DNER: variants seen among roughly 807,000 people sequenced by gnomAD.
The protein encoded by DNER is delta and Notch-like epidermal growth factor-related receptor.
Under a neutral mutation model 78.2 loss-of-function variants are expected in DNER, and 33 were observed. The observed-to-expected ratio is 0.42, with a 90% CI of 0.32 to 0.56. The LOEUF (loss-of-function observed/expected upper bound fraction) is 0.56. Among genes scored for constraint, DNER ranks in the 20% least tolerant of loss-of-function variants. The pLI is 0.11. For missense variants in DNER, 918 were observed against 975.3 expected, an observed-to-expected ratio of 0.94 and a Z score of 0.78; for synonymous variants, 417 against 384.8, an observed-to-expected ratio of 1.08 and a Z score of -0.98.
At chr2:229,679,359 T>TG (rs1218654262) in intron 1 of DNER, among the ~76,000 whole-genome samples, 1 of 152,198 alleles carries the variant, frequency 6.6e-6, no homozygotes, top group Non-Finnish European at 1.5e-5. Context: ...GTTATAATAT[T>TG]ACTCTTAACA....
intron 1 of DNER, among the ~76,000 whole-genome samples, chr2:229,676,386 G>T (rs13022561): frequency 0.21 from 32,245 of 152,142 alleles, 3,640 homozygotes; most frequent in East Asian, 0.36. Flanking sequence ...AAAGTCAGTT[G>T]TGAAGATTCA....
At chr2:229,570,842 G>A (rs1426520335) in intron 4 of DNER, among the ~76,000 whole-genome samples, 1 of 152,140 alleles carries the variant, frequency 6.6e-6, no homozygotes, top group Non-Finnish European at 1.5e-5. Context: ...GCACAGGGAT[G>A]CCTGGGAAGT....
chr2:229,649,055 C>T (rs1357190069), intron 1 of DNER, among the ~76,000 whole-genome samples: 1 of 152,204 alleles, frequency 6.6e-6, no homozygotes, highest in Non-Finnish European at 1.5e-5. Context: ...TAACAGGTCA[C>T]TGACCCTTGT....
chr2:229,368,356 C>T (rs1276845582), intron 11 of DNER, among the ~76,000 whole-genome samples: 1 of 152,144 alleles, frequency 6.6e-6, no homozygotes, highest in Non-Finnish European at 1.5e-5. Flanking sequence ...GAGTGAGACC[C>T]TGTCTCAAAA....
At chr2:229,382,736 T>A (rs370291593) in intron 11 of DNER, among the ~76,000 whole-genome samples, 2 of 151,810 alleles carry the variant, frequency 1.3e-5, no homozygotes, top group Non-Finnish European at 2.9e-5. Context: ...TGAAAAGGAA[T>A]GAACAACGCC....
chr2:229,407,141 T>C, intron 10 of DNER, 91 bp downstream of exon 10: 1 of 1,151,788 alleles, frequency 8.7e-7, no homozygotes, highest in South Asian at 1.4e-5. Flanking sequence ...TTTTGCAATA[T>C]TTTATTCATG....
Position 229,569,919 on chromosome 2 carries a change from A to T in DNER, c.847+15939T>A, listed in dbSNP as rs138457514. Reference sequence around the variant, plus strand: ...TCCACAATGTATTCTACGAAATATGATCAGATGCACAAAATCTAAAACAAG... The same window carrying T: ...TCCACAATGTATTCTACGAAATATGTTCAGATGCACAAAATCTAAAACAAG... On this transcript the variant is annotated intron_variant, in intron 4 of 12. Transcript: ENST00000341772. Among the ~76,000 whole-genome samples, 123 of 152,290 alleles carry T rather than the reference A, an allele frequency of 8.1e-4. 2 individuals are homozygous for T. The highest frequency in any genetic ancestry group is 2.8e-3 in the African/African-American group (118 of 41,558).
intron 1 of DNER, among the ~76,000 whole-genome samples, chr2:229,645,926 T>C (rs1452928337): frequency 6.6e-6 from 1 of 152,138 alleles, no homozygotes; most frequent in South Asian, 2.1e-4. Context: ...AGAGCCACAG[T>C]TGGGAAAAGA....
At chr2:229,387,507 GAGAGAA>G (rs1559337852) in intron 11 of DNER, among the ~76,000 whole-genome samples, 2,116 of 95,818 alleles carry the variant, frequency 0.022, 42 homozygotes, top group East Asian at 0.12. Flanking sequence ...AAGAAAGAAA[GAGAGAA>G]AGAAAGAAAG....
intron 4 of DNER, among the ~76,000 whole-genome samples, chr2:229,564,444 TCCCATCACCATCATCATCCTCCTCAC>T (rs1697056441): frequency 2.0e-5 from 1 of 49,762 alleles, no homozygotes; most frequent in African/African-American, 8.0e-5. Flanking sequence ...ATCATCCTCA[TCCCATCACCATCATCATCCTCCTCAC>T]CCCATCGCCA....
intron 1 of DNER, among the ~76,000 whole-genome samples, chr2:229,646,529 G>T (rs1458699873): frequency 6.6e-6 from 1 of 152,236 alleles, no homozygotes; most frequent in Non-Finnish European, 1.5e-5. Context: ...TGGAGGAAAA[G>T]GCTTGAGCCA....
intron 4 of DNER, among the ~76,000 whole-genome samples, chr2:229,561,021 G>C (rs1001915944): frequency 6.6e-6 from 1 of 152,108 alleles, no homozygotes; most frequent in African/African-American, 2.4e-5. Context: ...TTGTAAAAAG[G>C]CTTTTAAAAA....
At chr2:229,408,290 A>G (rs183386558) in intron 9 of DNER, among the ~76,000 whole-genome samples, 130 of 152,110 alleles carry the variant, frequency 8.5e-4, no homozygotes, top group African/African-American at 2.8e-3. Flanking sequence ...ACAAGTATCT[A>G]TTTTTTTATA....
chr2:229,628,340 C>T (rs1265748942), intron 1 of DNER, among the ~76,000 whole-genome samples: 1 of 152,170 alleles, frequency 6.6e-6, no homozygotes, highest in Non-Finnish European at 1.5e-5. Context: ...ACAAATTCCT[C>T]AACAGAGCCC....
intron 1 of DNER, among the ~76,000 whole-genome samples, chr2:229,628,765 G>C (rs1030809997): frequency 6.6e-6 from 1 of 152,090 alleles, no homozygotes; most frequent in Non-Finnish European, 1.5e-5. Context: ...TCAACAGCTC[G>C]TAATCTTACC....
At chr2:229,679,803 C>A (rs1396247996) in intron 1 of DNER, among the ~76,000 whole-genome samples, 2 of 152,160 alleles carry the variant, frequency 1.3e-5, no homozygotes, top group Admixed American at 6.5e-5. Flanking sequence ...ACATAGCACA[C>A]AAAATGTTAA....
chr2:229,673,868 T>C (rs558011373), intron 1 of DNER, among the ~76,000 whole-genome samples: 15 of 152,256 alleles, frequency 9.9e-5, no homozygotes, highest in Non-Finnish European at 1.8e-4. Flanking sequence ...ACACAAAGAC[T>C]CATACCCAGC....
intron 2 of DNER, among the ~76,000 whole-genome samples, chr2:229,590,891 A>T (rs921511518): frequency 1.3e-5 from 2 of 152,170 alleles, no homozygotes; most frequent in Admixed American, 1.3e-4. Flanking sequence ...CTCTCATGAA[A>T]GACTTAGCAC....
intron 6 of DNER, among the ~76,000 whole-genome samples, chr2:229,510,804 A>G (rs137994620): frequency 2.0e-5 from 3 of 152,346 alleles, no homozygotes; most frequent in Non-Finnish European, 4.4e-5. Context: ...ATCTGGGGAC[A>G]CCATGTAACT....
Sources: gnomAD v4.1 joint callset for allele counts (sites outside exome capture counted in the v4.1 genomes callset) on GRCh38, gnomAD v4.1.1 for gene constraint, MANE v1.5 for transcripts, NCBI Gene and HGNC (gene_info 2026-07-23, HGNC 2026-07-21) for gene names.